The following TRAF3IP1 variants were observed in gnomAD, a reference collection of about 807,000 sequenced individuals.
TRAF3IP1 encodes the protein intraflagellar transport 54, also known as TRAF3-interacting protein 1.
A neutral mutation model predicts 89.9 loss-of-function variants in TRAF3IP1; 53 were observed. The ratio of observed to expected loss-of-function variants is 0.59; its 90% CI spans 0.47 to 0.74. The LOEUF (loss-of-function observed/expected upper bound fraction) is 0.74, where lower values mean the gene tolerates loss of function less well. TRAF3IP1 is among the 30% of genes least tolerant of loss of function. TRAF3IP1 has a pLI of 0.00. For synonymous variants in TRAF3IP1, 311 were observed against 322.1 expected (o/e 0.97, Z 0.37); for missense variants, 806 against 866.1 (o/e 0.93, Z 0.87).
chr2:238,378,304 A>T (rs554761743), intron 15 of TRAF3IP1, among the ~76,000 whole-genome samples: 2 of 152,318 alleles, frequency 1.3e-5, no homozygotes, highest in South Asian at 4.1e-4. Context: ...TTGTTTTATG[A>T]CTATAAATTA....
At chr2:238,341,730 C>A (rs1471522664) in intron 8 of TRAF3IP1, among the ~76,000 whole-genome samples, 2 of 152,126 alleles carry the variant, frequency 1.3e-5, no homozygotes, top group African/African-American at 4.8e-5. Context: ...TTGCTGTATG[C>A]ACAAGATCTC....
intron 5 of TRAF3IP1, among the ~76,000 whole-genome samples, chr2:238,331,792 C>A (rs1698139046): frequency 6.6e-6 from 1 of 152,208 alleles, no homozygotes; most frequent in Non-Finnish European, 1.5e-5. Context: ...TCCCGAGGAA[C>A]CCCTGTTCCC....
In TRAF3IP1 at chr2:238,338,300, A is replaced by G. The variant is rs1401626375; in HGVS notation, c.1064-62A>G. 5 of 1,080,658 alleles carry G rather than the reference A, an allele frequency of 4.6e-6. No individual in the cohort carries two copies. The East Asian group carries it at 7.8e-5, about 17-fold the overall frequency. The allele number at this position is 1,080,658 out of a possible 1,614,324, so 66.9% of individuals were successfully genotyped here. On this transcript the variant is annotated intron_variant, in intron 7 of 16. Transcript: ENST00000373327. ...AATGTAACCCTTATAAATCCCAGCT[A>G]AAACAACCAAACACAAAATCTTTTA...
chr2:238,351,864 T>TGCGCGC lies in TRAF3IP1; in HGVS notation c.1452-962_1452-961insCGCGCG, dbSNP rs1247267370. Among the ~76,000 whole-genome samples, 8 of 112,240 alleles carry TGCGCGC rather than the reference T, an allele frequency of 7.1e-5. No individual in the cohort carries two copies. The highest frequency in any genetic ancestry group is 1.2e-4 in the Non-Finnish European group (7 of 56,734). The allele number at this position is 112,240 out of a possible 152,430, so 73.6% of individuals were successfully genotyped here. A position where few individuals can be genotyped will look rare whatever the true frequency, so the allele number is the denominator to read the frequency against. On this transcript the variant is annotated intron_variant, in intron 12 of 16. Transcript: ENST00000373327. This position sits in a 1 kb window ranked among gnomAD's most constrained non-coding sequence, Gnocchi z 5.2. ...GTGTGTGTGTGTGTGTGTGTGTGTG[T>TGCGCGC]GTGCGCGCGCGCGCGTGTGCGTGCA...
chr2:238,378,799 C>G (rs10203772), intron 15 of TRAF3IP1, among the ~76,000 whole-genome samples: 6 of 152,176 alleles, frequency 3.9e-5, no homozygotes, highest in African/African-American at 9.7e-5. Flanking sequence ...GCCGGGACCC[C>G]CCCCCAGGCC....
At chr2:238,348,981 C>G in intron 11 of TRAF3IP1, 133 bp downstream of exon 11, 1 of 750,338 alleles carries the variant, frequency 1.3e-6, no homozygotes, top group East Asian at 2.5e-5. Context: ...ACAAAGAATA[C>G]AAGAAGTATA....
Position 238,351,059 on chromosome 2 carries a change from G to A in TRAF3IP1, c.1451+1651G>A, listed in dbSNP as rs1458168000. 6.6e-6 allele frequency among the ~76,000 whole-genome samples: 1 copy of A among 152,108 alleles called. No individual in the cohort carries two copies. The highest frequency in any genetic ancestry group is 1.5e-5 in the Non-Finnish European group (1 of 68,020). On this transcript the variant is annotated intron_variant, in intron 12 of 16. Transcript: ENST00000373327. This position sits in a 1 kb window ranked among gnomAD's most constrained non-coding sequence, Gnocchi z 5.2. Reference sequence around the variant, plus strand: ...GATTGTTGGAGTCAGGTCCTAGGGCGGTGAGCTGGGAATATAGATAGTGGT... The same window carrying A: ...GATTGTTGGAGTCAGGTCCTAGGGCAGTGAGCTGGGAATATAGATAGTGGT...
chr2:238,338,234 A>C, intron 7 of TRAF3IP1, 128 bp from the exon 8 acceptor site: 1 of 548,520 alleles, frequency 1.8e-6, no homozygotes, highest in South Asian at 3.0e-5. Context: ...CTGAGAATTG[A>C]CCATTTAGTT....
chr2:238,357,834 C>T (rs934165851), intron 15 of TRAF3IP1, among the ~76,000 whole-genome samples: 16 of 152,106 alleles, frequency 1.1e-4, no homozygotes, highest in African/African-American at 3.4e-4. Flanking sequence ...ATGATTTTTA[C>T]GCAAAGCATA....
chr2:238,359,862 A>C (rs533361968), intron 15 of TRAF3IP1, among the ~76,000 whole-genome samples: 2 of 152,318 alleles, frequency 1.3e-5, no homozygotes, highest in Non-Finnish European at 2.9e-5. Context: ...GATAAAGTTT[A>C]CTTTATGAAT....
At chr2:238,347,306 A>G (rs1698938565) in intron 9 of TRAF3IP1, 149 bp from the exon 10 acceptor site, 7 of 771,370 alleles carry the variant, frequency 9.1e-6, no homozygotes, top group Non-Finnish European at 1.5e-5. Flanking sequence ...TAGGGACATT[A>G]GAAAAGCGGC....
intron 7 of TRAF3IP1, among the ~76,000 whole-genome samples, chr2:238,334,958 C>T (rs1386150606): frequency 2.0e-5 from 3 of 152,184 alleles, no homozygotes; most frequent in East Asian, 3.8e-4. Context: ...AAAACAAAAA[C>T]GTTGATGACC....
At position 238,399,001 on chromosome 2, in the gene TRAF3IP1, C is replaced by A; in HGVS notation, c.*82C>A. The stretch of plus-strand genomic sequence containing the variant: ...TAGAAAATCATTACTCTTTTAAGTT[C>A]CAGTTTGCTAAGAAAATGAACAGTT... On this transcript the variant is annotated 3_prime_UTR_variant, in exon 17 of 17. Coordinates refer to ENST00000373327, the MANE Select transcript of TRAF3IP1 (RefSeq NM_015650.4). 2 of 1,279,814 alleles carry A rather than the reference C, an allele frequency of 1.6e-6. No homozygotes were observed. The highest frequency in any genetic ancestry group is 1.5e-5 in the South Asian group (1 of 65,798). 79.3% of individuals were successfully genotyped at this position (1,279,814 alleles called of 1,614,324 possible).
chr2:238,327,995 G>T (rs1697922055), intron 3 of TRAF3IP1, among the ~76,000 whole-genome samples: 1 of 152,206 alleles, frequency 6.6e-6, no homozygotes, highest in Non-Finnish European at 1.5e-5. Context: ...ACTGTCAATG[G>T]TACAGTTTGC....
chr2:238,367,311 AAG>A, intron 15 of TRAF3IP1, among the ~76,000 whole-genome samples: 1 of 152,094 alleles, frequency 6.6e-6, no homozygotes, highest in Non-Finnish European at 1.5e-5. Flanking sequence ...AGAGAAATCA[AAG>A]GGGATGTGGC....
chr2:238,330,380 G>A (rs1310213104), intron 5 of TRAF3IP1, among the ~76,000 whole-genome samples: 1 of 152,256 alleles, frequency 6.6e-6, no homozygotes, highest in African/African-American at 2.4e-5. Context: ...CACCATGTGT[G>A]TTGGGGACGT....
At chr2:238,326,073 A>G in intron 3 of TRAF3IP1, 103 bp downstream of exon 3, 1 of 1,150,850 alleles carries the variant, frequency 8.7e-7, no homozygotes, top group Non-Finnish European at 1.2e-6. Flanking sequence ...AAGGAGTTTC[A>G]GTGGTGTCTG....
chr2:238,353,062 A>G, intron 13 of TRAF3IP1, 111 bp from the exon 14 acceptor site: 7 of 1,538,362 alleles, frequency 4.6e-6, no homozygotes, highest in Non-Finnish European at 6.2e-6. Context: ...TTTTTCAGTT[A>G]GTTTTCTACC....
Position 238,329,225 on chromosome 2 carries a change from C to T in TRAF3IP1, c.798C>T (p.Asp266=), listed in dbSNP as rs2106364436. The T allele has an allele frequency of 6.4e-7, 1 of 1,554,032 alleles. No homozygotes were observed. The highest frequency in any genetic ancestry group is 1.3e-5 in the South Asian group (1 of 79,592). Residue 266 remains aspartate (D), a synonymous_variant, in exon 5 of 17, where the codon GAC becomes GAT. Transcript: ENST00000373327. ...AGAAGGAGAGACTGAGAGACAGGGA[C>T]CGAGAGCGCGACCGGGACAAAGGGA... ...GKEKERLRDR[D]RERDRDKGKD...
Sources: gnomAD v4.1 joint callset for allele counts (sites outside exome capture counted in the v4.1 genomes callset) on GRCh38, gnomAD v4.1.1 for gene constraint, Gnocchi (gnomAD v3.1) non-coding constraint, MANE v1.5 for transcripts, NCBI Gene and HGNC (gene_info 2026-07-23, HGNC 2026-07-21) for gene names.